Variants in PRKCB observed in about 807,000 individuals in gnomAD.
PRKCB encodes the protein protein kinase C beta.
In PRKCB, 13 loss-of-function variants were observed where a neutral mutation model predicts 81.5. The ratio of observed to expected loss-of-function variants is 0.16; its 90% CI spans 0.10 to 0.25. PRKCB has a LOEUF of 0.25. Among genes scored for constraint, PRKCB ranks in the 10% least tolerant of loss-of-function variants. The pLI is 1.00. For missense variants in PRKCB, 509 were observed against 875.7 expected, an observed-to-expected ratio of 0.58 and a Z score of 5.29; for synonymous variants, 335 against 321.4, an observed-to-expected ratio of 1.04 and a Z score of -0.45.
intron 2 of PRKCB, among the ~76,000 whole-genome samples, chr16:23,933,290 C>G (rs751907768): frequency 4.6e-5 from 7 of 152,130 alleles, no homozygotes; most frequent in Non-Finnish European, 8.8e-5. Context: ...GAACAGGTGC[C>G]TAGATTTGTA....
intron 10 of PRKCB, among the ~76,000 whole-genome samples, chr16:24,159,829 A>G (rs1797278610): frequency 6.6e-6 from 1 of 151,982 alleles, no homozygotes; most frequent in Non-Finnish European, 1.5e-5. Flanking sequence ...TCCCATCTCT[A>G]CAAAAAATTA....
intron 5 of PRKCB, among the ~76,000 whole-genome samples, chr16:24,049,181 C>A (rs1332342770): frequency 6.7e-6 from 1 of 149,532 alleles, no homozygotes; most frequent in Non-Finnish European, 1.5e-5. Context: ...CCAAACCTCC[C>A]TGTGTTAGGA....
intron 2 of PRKCB, among the ~76,000 whole-genome samples, chr16:23,923,568 T>C (rs1963856164): frequency 6.6e-6 from 1 of 152,130 alleles, no homozygotes. Flanking sequence ...GAAGGATATT[T>C]GGTATTGTTA....
chr16:24,129,881 A>G (rs1281795340), intron 9 of PRKCB, among the ~76,000 whole-genome samples: 2 of 152,224 alleles, frequency 1.3e-5, no homozygotes, highest in African/African-American at 4.8e-5. Flanking sequence ...TTTTTCTTCA[A>G]CATTTCATTA....
intron 9 of PRKCB, among the ~76,000 whole-genome samples, chr16:24,149,113 T>C (rs1474086706): frequency 1.3e-5 from 2 of 152,138 alleles, no homozygotes; most frequent in Non-Finnish European, 2.9e-5. Context: ...GGTTTCTTCA[T>C]GGGGTCTTGT....
intron 2 of PRKCB, among the ~76,000 whole-genome samples, chr16:23,843,199 C>A (rs1962296789): frequency 6.6e-6 from 1 of 152,138 alleles, no homozygotes; most frequent in African/African-American, 2.4e-5. Flanking sequence ...CCATGCACTT[C>A]AGGTTGAATT....
intron 2 of PRKCB, among the ~76,000 whole-genome samples, chr16:23,890,963 G>C (rs1963283666): frequency 2.0e-5 from 3 of 151,778 alleles, no homozygotes; most frequent in Admixed American, 1.3e-4. Flanking sequence ...TGTATGCCTA[G>C]GGGAAAAAAC....
At chr16:24,094,074 C>T in intron 6 of PRKCB, 89 bp from the exon 7 acceptor site, 1 of 1,407,460 alleles carries the variant, frequency 7.1e-7, no homozygotes, top group Admixed American at 2.3e-5. Flanking sequence ...TTAAAACTTT[C>T]TACCTCCAGG....
intron 5 of PRKCB, among the ~76,000 whole-genome samples, chr16:24,072,331 G>A (rs763893796): frequency 1.4e-4 from 22 of 151,932 alleles, no homozygotes; most frequent in Non-Finnish European, 3.2e-4. Flanking sequence ...GCAGTGGTAC[G>A]ATCATAGCTC....
chr16:23,909,501 G>T (rs1690708237), intron 2 of PRKCB, among the ~76,000 whole-genome samples: 1 of 152,132 alleles, frequency 6.6e-6, no homozygotes, highest in African/African-American at 2.4e-5. Flanking sequence ...TTAAGTTCAA[G>T]TGCAGTTTTA....
At chr16:24,083,813 T>C (rs1156587215) in intron 5 of PRKCB, among the ~76,000 whole-genome samples, 1 of 152,110 alleles carries the variant, frequency 6.6e-6, no homozygotes, top group Non-Finnish European at 1.5e-5. Flanking sequence ...CACAAAACTG[T>C]GCACCAAAAA....
At position 23,950,442 on chromosome 16, in the gene PRKCB, C is replaced by G. The variant is rs149105148; in HGVS notation, c.206-38066C>G. 1.6e-3 allele frequency among the ~76,000 whole-genome samples: 237 copies of G among 152,332 alleles called. 2 individuals are homozygous for G. The highest frequency in any genetic ancestry group is 5.3e-3 in the African/African-American group (219 of 41,586). Reference sequence around the variant, plus strand: ...TTCCCAGGACTGGGCCAGCTAAAAGCTAAGCAGTATGGGTAAGAGCACGGG... The same window carrying G: ...TTCCCAGGACTGGGCCAGCTAAAAGGTAAGCAGTATGGGTAAGAGCACGGG... On this transcript the variant is annotated intron_variant, in intron 2 of 16. Transcript: ENST00000643927.
At chr16:23,991,523 A>G (rs374426146) in intron 3 of PRKCB, among the ~76,000 whole-genome samples, 3 of 152,174 alleles carry the variant, frequency 2.0e-5, no homozygotes, top group Admixed American at 1.3e-4. Flanking sequence ...GGTGTTTCCC[A>G]TATTCTATCT....
At chr16:23,847,460 CCA>C (rs1962396317) in intron 2 of PRKCB, among the ~76,000 whole-genome samples, 2 of 149,854 alleles carry the variant, frequency 1.3e-5, no homozygotes, top group African/African-American at 2.5e-5. Flanking sequence ...ATCCATCCAT[CCA>C]TCCATCCATC....
intron 2 of PRKCB, among the ~76,000 whole-genome samples, chr16:23,872,829 T>C (rs76694816): frequency 6.0e-4 from 92 of 152,110 alleles, no homozygotes; most frequent in African/African-American, 2.1e-3. Flanking sequence ...GAGGTTATCA[T>C]GTGTGATTGA....
At chr16:24,159,818 A>T (rs1456898131) in intron 10 of PRKCB, among the ~76,000 whole-genome samples, 1 of 151,988 alleles carries the variant, frequency 6.6e-6, no homozygotes, top group Non-Finnish European at 1.5e-5. Flanking sequence ...ACATGGCAAG[A>T]TCCCATCTCT....
Position 24,169,199 on chromosome 16 carries a change from G to A in PRKCB, c.1240-3071G>A, listed in dbSNP as rs558099314. ...TTTGATTCCAACCTTCTGACTGTATGAATGCTGCTTTGGAGACCCAGTAAC... is the reference window on the plus strand; with the variant it reads ...TTTGATTCCAACCTTCTGACTGTATAAATGCTGCTTTGGAGACCCAGTAAC... On this transcript the variant is annotated intron_variant, in intron 10 of 16. Coordinates refer to ENST00000643927, the MANE Select transcript of PRKCB (RefSeq NM_002738.7). Among the ~76,000 whole-genome samples the A allele has an allele frequency of 2.0e-5, 3 of 152,270 alleles. No individual in the cohort carries two copies. In the South Asian group the frequency reaches 6.2e-4, roughly 32 times the overall value.
intron 2 of PRKCB, among the ~76,000 whole-genome samples, chr16:23,905,059 TAAA>T (rs10562833): frequency 7.2e-6 from 1 of 138,404 alleles, no homozygotes; most frequent in African/African-American, 2.7e-5. Context: ...TTTTTTTTAA[TAAA>T]AAAAAAATAG....
chr16:24,186,314 C>T (rs1378355153), intron 15 of PRKCB, among the ~76,000 whole-genome samples: 1 of 152,196 alleles, frequency 6.6e-6, no homozygotes, highest in Non-Finnish European at 1.5e-5. Flanking sequence ...AATGCACATG[C>T]TTCTGCCTTA....
Sources: gnomAD v4.1 joint callset for allele counts (sites outside exome capture counted in the v4.1 genomes callset) on GRCh38, gnomAD v4.1.1 for gene constraint, MANE v1.5 for transcripts, NCBI Gene and HGNC (gene_info 2026-07-23, HGNC 2026-07-21) for gene names.